The following THSD7B variants were observed in gnomAD, a reference collection of about 807,000 sequenced individuals.
THSD7B encodes thrombospondin type 1 domain containing 7B.
Under a neutral mutation model 213.6 loss-of-function variants are expected in THSD7B, and 138 were observed. The ratio of observed to expected loss-of-function variants is 0.65; its 90% CI spans 0.56 to 0.74. The LOEUF is 0.74. THSD7B is among the 30% of genes least tolerant of loss of function. The probability of loss-of-function intolerance (pLI) is 0.00; values close to 1 mark genes in which losing one functional copy is unlikely to be tolerated. For synonymous variants in THSD7B, 742 were observed against 687.0 expected, an observed-to-expected ratio of 1.08 and a Z score of -1.25; for missense variants, 1,931 against 1,991.5, an observed-to-expected ratio of 0.97 and a Z score of 0.58.
chr2:136,933,970 T>A (rs1181690382), intron 2 of THSD7B, among the ~76,000 whole-genome samples: 1 of 152,190 alleles, frequency 6.6e-6, no homozygotes, highest in African/African-American at 2.4e-5. Context: ...AAGTGTTTTC[T>A]CTCTCTTTGG....
chr2:136,823,474 C>T (rs550600550), intron 1 of THSD7B, among the ~76,000 whole-genome samples: 5 of 152,260 alleles, frequency 3.3e-5, no homozygotes, highest in African/African-American at 1.2e-4. Context: ...CTTTTCTCCC[C>T]GTGTCTCTCT....
At chr2:137,318,290 C>T (rs989713833) in intron 12 of THSD7B, among the ~76,000 whole-genome samples, 3 of 152,174 alleles carry the variant, frequency 2.0e-5, no homozygotes, top group Non-Finnish European at 4.4e-5. Flanking sequence ...AGAAGTACCT[C>T]CTAGTCCAGG....
intron 1 of THSD7B, among the ~76,000 whole-genome samples, chr2:136,862,614 A>C (rs1454565500): frequency 6.6e-6 from 1 of 152,194 alleles, no homozygotes; most frequent in East Asian, 1.9e-4. Flanking sequence ...AGGATCATCA[A>C]CTGGGGAGTG....
intron 12 of THSD7B, among the ~76,000 whole-genome samples, chr2:137,296,244 C>G (rs1392829199): frequency 6.6e-6 from 1 of 152,092 alleles, no homozygotes; most frequent in African/African-American, 2.4e-5. Flanking sequence ...TTGTTTTATG[C>G]TCAACTAGAA....
intron 2 of THSD7B, among the ~76,000 whole-genome samples, chr2:136,923,419 A>T (rs55700319): frequency 6.6e-6 from 1 of 152,144 alleles, no homozygotes. Flanking sequence ...ATGAGTGTGC[A>T]GATACCTTTT....
Position 137,275,917 on chromosome 2 carries a change from T to A in THSD7B, c.2397-6T>A, listed in dbSNP as rs1055486913. The A allele has an allele frequency of 6.2e-7, 1 of 1,607,046 alleles. No individual in the cohort carries two copies. The highest frequency in any genetic ancestry group is 8.5e-7 in the Non-Finnish European group (1 of 1,176,726). On this transcript the variant is annotated splice_region_variant and splice_polypyrimidine_tract_variant and intron_variant, in intron 11 of 27. Transcript: ENST00000409968. Reference sequence around the variant, plus strand: ...GTTTCTAGTCCATCGTTTTTGGTAATCACAGGTGGAAGCCACAGAAATGGA... The same window carrying A: ...GTTTCTAGTCCATCGTTTTTGGTAAACACAGGTGGAAGCCACAGAAATGGA...
chr2:136,841,832 T>C (rs1682925676), intron 1 of THSD7B, among the ~76,000 whole-genome samples: 1 of 152,106 alleles, frequency 6.6e-6, no homozygotes, highest in African/African-American at 2.4e-5. Context: ...CAGTCAGAGC[T>C]AGAGACACAT....
At chr2:137,359,695 T>C (rs776028368) in intron 12 of THSD7B, among the ~76,000 whole-genome samples, 2 of 152,190 alleles carry the variant, frequency 1.3e-5, no homozygotes, top group Non-Finnish European at 2.9e-5. Context: ...GGTCACCTCC[T>C]GGGTACCGTG....
intron 15 of THSD7B, among the ~76,000 whole-genome samples, chr2:137,501,441 AT>A (rs1360597014): frequency 2.1e-5 from 3 of 146,276 alleles, no homozygotes; most frequent in Non-Finnish European, 1.5e-5. Context: ...GAAAAAAAAA[AT>A]TTGGTAAAGG....
chr2:137,462,638 G>A (rs1687907146), intron 15 of THSD7B, among the ~76,000 whole-genome samples: 1 of 152,048 alleles, frequency 6.6e-6, no homozygotes, highest in Non-Finnish European at 1.5e-5. Flanking sequence ...ACCTGGAAGT[G>A]TGTTCCAGGC....
intron 2 of THSD7B, among the ~76,000 whole-genome samples, chr2:136,946,582 C>T (rs1279142046): frequency 3.9e-5 from 6 of 152,186 alleles, no homozygotes; most frequent in East Asian, 1.9e-4. Flanking sequence ...TATGCCCTGC[C>T]GCAAGAGGTG....
At chr2:136,813,309 G>T (rs921206695) in intron 1 of THSD7B, among the ~76,000 whole-genome samples, 17 of 152,140 alleles carry the variant, frequency 1.1e-4, no homozygotes, top group African/African-American at 4.1e-4. Flanking sequence ...CAGCTCTGCT[G>T]TGACTTACCA....
At chr2:137,620,803 G>T in intron 20 of THSD7B, 77 bp downstream of exon 20, 1 of 1,280,086 alleles carries the variant, frequency 7.8e-7, no homozygotes, top group South Asian at 1.3e-5. Flanking sequence ...CTTGATAAAT[G>T]GCATAAGGTA....
rs573837915 is a variant in THSD7B at position 137,577,738 on chromosome 2, TAAGA to T, written c.3423+5183_3423+5186del. Among the ~76,000 whole-genome samples, 453 of 152,276 alleles carry T rather than the reference TAAGA, an allele frequency of 3.0e-3. 2 individuals are homozygous for T. The highest frequency in any genetic ancestry group is 7.3e-3 in the Admixed American group (111 of 15,282). The stretch of plus-strand genomic sequence containing the variant: ...CCATAAATACTTCTATATATCTTCC[TAAGA>T]GAGAATGATTAATGACAACAACTAC... On this transcript the variant is annotated intron_variant, in intron 17 of 27. Transcript: ENST00000409968.
At chr2:137,405,873 TATGAG>T in intron 13 of THSD7B, 66 bp downstream of exon 13, 1 of 1,425,838 alleles carries the variant, frequency 7.0e-7, no homozygotes, top group South Asian at 1.4e-5. Flanking sequence ...TTGTGTAGAA[TATGAG>T]GTCCAAAGGA....
chr2:137,659,111 C>A (rs1327236097), intron 24 of THSD7B, among the ~76,000 whole-genome samples: 2 of 152,184 alleles, frequency 1.3e-5, no homozygotes, highest in African/African-American at 4.8e-5. Context: ...TCGGTGCTTG[C>A]TCTTAAGAAT....
chr2:136,786,061 C>A (rs1681841729), intron 1 of THSD7B, among the ~76,000 whole-genome samples: 1 of 152,056 alleles, frequency 6.6e-6, no homozygotes, highest in Non-Finnish European at 1.5e-5. Flanking sequence ...AAGTATTGTC[C>A]ATATAATCAT....
chr2:136,963,685 C>A (rs1289808889), intron 2 of THSD7B, among the ~76,000 whole-genome samples: 1 of 152,044 alleles, frequency 6.6e-6, no homozygotes, highest in Non-Finnish European at 1.5e-5. Flanking sequence ...TTATGCCAAC[C>A]CTGTGTCACA....
chr2:137,038,971 G>A (rs1173461877), intron 2 of THSD7B, among the ~76,000 whole-genome samples: 4 of 152,098 alleles, frequency 2.6e-5, no homozygotes, highest in African/African-American at 9.7e-5. Flanking sequence ...AAGATAAAGT[G>A]GAATTTTATG....
Sources: allele counts gnomAD v4.1 joint callset (sites outside exome capture counted in the v4.1 genomes callset), GRCh38; gene constraint gnomAD v4.1.1; transcripts MANE v1.5; gene names NCBI Gene and HGNC (gene_info 2026-07-23, HGNC 2026-07-21).